Variants in DCP2 observed in about 807,000 individuals in gnomAD.
DCP2 encodes the protein m7GpppN-mRNA hydrolase.
In DCP2, 30 loss-of-function variants were observed where a neutral mutation model predicts 56.1. That is an observed-to-expected ratio of 0.53 (90% confidence interval 0.40 to 0.73). The LOEUF (loss-of-function observed/expected upper bound fraction) is 0.73. DCP2 is among the 30% of genes least tolerant of loss of function. DCP2 has a pLI of 0.00. For missense variants in DCP2, 533 were observed against 502.7 expected (o/e 1.06, Z -0.58); for synonymous variants, 197 against 163.3 (o/e 1.21, Z -1.57).
intron 8 of DCP2, among the ~76,000 whole-genome samples, chr5:113,005,700 T>C (rs965330512): frequency 9.2e-5 from 14 of 152,238 alleles, no homozygotes; most frequent in African/African-American, 2.9e-4. Context: ...ATAACTTGTG[T>C]ACCAATGTTC....
intron 4 of DCP2, among the ~76,000 whole-genome samples, chr5:112,998,390 AAAG>A (rs1424190596): frequency 6.6e-6 from 1 of 152,212 alleles, no homozygotes; most frequent in African/African-American, 2.4e-5. Context: ...GTCCATAACC[AAAG>A]AAGACCATCC....
At chr5:113,006,038 A>G (rs1749415735) in intron 8 of DCP2, among the ~76,000 whole-genome samples, 1 of 151,114 alleles carries the variant, frequency 6.6e-6, no homozygotes, top group African/African-American at 2.4e-5. Flanking sequence ...AGGTGGGAAA[A>G]TCACCTGAGC....
intron 4 of DCP2, among the ~76,000 whole-genome samples, chr5:113,000,108 C>G (rs1184500129): frequency 6.6e-6 from 1 of 151,340 alleles, no homozygotes; most frequent in Non-Finnish European, 1.5e-5. Context: ...GGGTATACCA[C>G]CATGCCAGGC....
At position 113,013,382 on chromosome 5, in the gene DCP2, G is replaced by C. The variant is rs779850722; in HGVS notation, c.1161G>C (p.Gln387His). ...AGTTGCTAGAACATGCTGAGGGACA[G>C]CCCGTGGCATGTAATGGACATTGCA... ...EDQLLEHAEG[Q>H]PVACNGHCKF... is the part of the protein sequence containing the mutation. Residue 387 changes from glutamine (Q) to histidine (H), a missense_variant, in exon 11 of 11, where the codon CAG (glutamine) becomes CAC (histidine). Physicochemically the swap from Gln to His is conservative, Grantham distance 24 (BLOSUM62 0). This residue lies in a region of DCP2 where 392 missense variants were observed against 346.6 expected (regional missense o/e 1.13). Coordinates refer to ENST00000389063, the MANE Select transcript of DCP2 (RefSeq NM_152624.6). 2 of 1,614,146 alleles carry C rather than the reference G, an allele frequency of 1.2e-6. No individual in the cohort carries two copies. Among genetic ancestry groups the C allele is most frequent in the Non-Finnish European group, 1.7e-6 (2 of 1,179,972 alleles).
At chr5:112,996,500 T>A (rs1303846592) in intron 4 of DCP2, among the ~76,000 whole-genome samples, 1 of 152,240 alleles carries the variant, frequency 6.6e-6, no homozygotes, top group Non-Finnish European at 1.5e-5. Context: ...TTTAGCTTAT[T>A]ATGGCATTCA....
rs558698395 is a variant in DCP2, at chr5:113,022,033, T to C, written c.*8549T>C. The C allele has an allele frequency of 1.7e-3, 266 of 152,318 alleles. 1 individual carries two copies. Among genetic ancestry groups the C allele is most frequent in the African/African-American group, 6.0e-3 (248 of 41,572 alleles). 9.4% of individuals were successfully genotyped at this position (152,318 alleles called of 1,614,324 possible). On this transcript the variant is annotated 3_prime_UTR_variant, in exon 11 of 11. Transcript: ENST00000389063. ...TCATGTAAGCATCATGGATTTGATA[T>C]TTGCCTGCATGTATATCACAGTTCT...
At chr5:112,986,205 A>G (rs1177720690) in intron 2 of DCP2, among the ~76,000 whole-genome samples, 1 of 152,154 alleles carries the variant, frequency 6.6e-6, no homozygotes, top group Non-Finnish European at 1.5e-5. Flanking sequence ...GACGCCCTAA[A>G]ATGTACACTG....
Position 113,017,461 on chromosome 5 carries a change from C to T in DCP2, c.*3977C>T, listed in dbSNP as rs1039916749. ...TCCTAAGACTTGAAAGTGCATTTGTCTAGTTGCCAAAAGTTCTAAAAATGA... is the reference window on the plus strand; with the variant it reads ...TCCTAAGACTTGAAAGTGCATTTGTTTAGTTGCCAAAAGTTCTAAAAATGA... On this transcript the variant is annotated 3_prime_UTR_variant, in exon 11 of 11. Transcript: ENST00000389063. The T allele has an allele frequency of 6.6e-6, 1 of 152,118 alleles. No homozygotes were observed. Among genetic ancestry groups the T allele is most frequent in the Admixed American group, 6.5e-5 (1 of 15,276 alleles). The allele number at this position is 152,118 out of a possible 1,614,324, so 9.4% of individuals were successfully genotyped here.
At chr5:112,997,908 T>G (rs1748941551) in intron 4 of DCP2, among the ~76,000 whole-genome samples, 1 of 152,156 alleles carries the variant, frequency 6.6e-6, no homozygotes, top group African/African-American at 2.4e-5. Flanking sequence ...CCACCGAGCC[T>G]GGCCCTTTGG....
In DCP2 at chr5:113,021,491, G is replaced by A. The variant is rs545552042; in HGVS notation, c.*8007G>A. Among the ~76,000 whole-genome samples, 1 of 151,592 alleles carries A rather than the reference G, an allele frequency of 6.6e-6. No individual in the cohort carries two copies. The highest frequency in any genetic ancestry group is 1.9e-4 in the East Asian group (1 of 5,176). ...TTTGTTGCTTTAAAGCAAGATTATA[G>A]TGTAGGGCTTGAGATGTGAATTCAT... On this transcript the variant is annotated 3_prime_UTR_variant, in exon 11 of 11. Coordinates refer to ENST00000389063, the MANE Select transcript of DCP2 (RefSeq NM_152624.6).
At chr5:112,992,854 T>C in intron 4 of DCP2, 84 bp downstream of exon 4, 1 of 1,029,022 alleles carries the variant, frequency 9.7e-7, no homozygotes, top group South Asian at 1.9e-5. Context: ...CTTACTTCTT[T>C]GGACTGTCTT....
intron 1 of DCP2, 37 bp downstream of exon 1, chr5:112,977,023 G>C: frequency 6.8e-7 from 1 of 1,462,164 alleles, no homozygotes; most frequent in Non-Finnish European, 9.1e-7. Context: ...CCCCCGTCGG[G>C]TTTTCTCAGT....
intron 9 of DCP2, among the ~76,000 whole-genome samples, chr5:113,009,064 C>T (rs911598557): frequency 6.6e-6 from 1 of 152,082 alleles, no homozygotes; most frequent in Admixed American, 6.5e-5. Flanking sequence ...CCAGGATGGT[C>T]TCGATCTCCA....
chr5:112,992,406 G>A (rs1748636166), intron 3 of DCP2, among the ~76,000 whole-genome samples, 158 bp downstream of exon 3: 1 of 152,080 alleles, frequency 6.6e-6, no homozygotes, highest in South Asian at 2.1e-4. Flanking sequence ...CGCATGCTAT[G>A]TCTGCAGATT....
chr5:112,982,645 A>G (rs1423958550), intron 1 of DCP2, among the ~76,000 whole-genome samples: 2 of 152,004 alleles, frequency 1.3e-5, no homozygotes, highest in African/African-American at 4.8e-5. Flanking sequence ...GGTTATAGTA[A>G]TAATAGTTTT....
Position 113,013,452 on chromosome 5 carries a change from C to G in DCP2, c.1231C>G (p.His411Asp), listed in dbSNP as rs1278928054. The change falls in exon 11 of 11, where the codon CAT becomes GAT. Residue 411 changes from histidine (H) to aspartate (D), a missense_variant. By Grantham distance (81) the His-to-Asp change is moderately conservative. This residue lies in a region of DCP2 where 392 missense variants were observed against 346.6 expected (regional missense o/e 1.13). Transcript: ENST00000389063. ...AGCCTTTTTGAGTTTCAAGTTTGAC[C>G]ATAATGCTATAATGAAAATCTTGGA... ...SRAFLSFKFDHNAIMKILDL is the reference protein window; with the variant it reads ...SRAFLSFKFDDNAIMKILDL 6.2e-7 allele frequency: 1 copy of G among 1,614,076 alleles called. No homozygotes were observed. Among genetic ancestry groups the G allele is most frequent in the Non-Finnish European group, 8.5e-7 (1 of 1,179,968 alleles).
chr5:113,000,206 C>T (rs892866061), intron 4 of DCP2, among the ~76,000 whole-genome samples: 11 of 152,110 alleles, frequency 7.2e-5, no homozygotes, highest in African/African-American at 2.4e-4. Context: ...GATCCTCCCT[C>T]TTTGGCCTCC....
chr5:113,014,462 C>A lies in DCP2; in HGVS notation c.*978C>A, dbSNP rs142046152. 82 of 152,554 alleles carry A rather than the reference C, an allele frequency of 5.4e-4. No homozygotes were observed. The highest frequency in any genetic ancestry group is 2.0e-3 in the African/African-American group (81 of 41,524). The allele number at this position is 152,554 out of a possible 1,614,324, so 9.5% of individuals were successfully genotyped here. On this transcript the variant is annotated 3_prime_UTR_variant, in exon 11 of 11. Coordinates refer to ENST00000389063, the MANE Select transcript of DCP2 (RefSeq NM_152624.6). ...CATGCTTTTATTGACCTGCTAAGCC[C>A]CTGGATGATGGAGCGAGAAGGGAAG...
In DCP2 at chr5:113,016,471, TAGTA is replaced by T. The variant is rs1426620922; in HGVS notation, c.*2992_*2995del. 5.3e-5 allele frequency: 8 copies of T among 152,338 alleles called. No individual in the cohort carries two copies. Among genetic ancestry groups the T allele is most frequent in the South Asian group, 2.1e-4 (1 of 4,828 alleles). The allele number at this position is 152,338 out of a possible 1,614,324, so 9.4% of individuals were successfully genotyped here. On this transcript the variant is annotated 3_prime_UTR_variant, in exon 11 of 11. Coordinates refer to ENST00000389063, the MANE Select transcript of DCP2 (RefSeq NM_152624.6). ...CGTTATTTTTCTATTAAATATCAATTAGTAAGTATAGCTAATGAAGACATATAAT... is the reference window on the plus strand; with the variant it reads ...CGTTATTTTTCTATTAAATATCAATTAGTATAGCTAATGAAGACATATAAT...
Sources: allele counts gnomAD v4.1 joint callset (sites outside exome capture counted in the v4.1 genomes callset), GRCh38; gene constraint gnomAD v4.1.1; regional missense constraint gnomAD v4.1.1; transcripts MANE v1.5; gene names NCBI Gene and HGNC (gene_info 2026-07-23, HGNC 2026-07-21).